NRG3: variants seen among roughly 807,000 people sequenced by gnomAD.
NRG3 encodes neuregulin 3.
A neutral mutation model predicts 66.9 loss-of-function variants in NRG3; 31 were observed. The ratio of observed to expected loss-of-function variants is 0.46; its 90% CI spans 0.35 to 0.63. The LOEUF (loss-of-function observed/expected upper bound fraction) is 0.63, where lower values mean the gene tolerates loss of function less well. Among genes scored for constraint, NRG3 ranks in the 20% least tolerant of loss-of-function variants. NRG3 has a pLI of 0.00. For synonymous variants in NRG3, 393 were observed against 359.4 expected (o/e 1.09, Z -1.06); for missense variants, 910 against 878.9 (o/e 1.04, Z -0.45).
At chr10:82,618,253 C>G (rs2048796660) in intron 2 of NRG3, among the ~76,000 whole-genome samples, 1 of 152,056 alleles carries the variant, frequency 6.6e-6, no homozygotes, top group African/African-American at 2.4e-5. Context: ...GTGCAAGCGA[C>G]AATCAGCCTA....
intron 1 of NRG3, among the ~76,000 whole-genome samples, chr10:82,048,317 C>T (rs4457693): frequency 0.89 from 132,774 of 149,936 alleles, 59,922 homozygotes; most frequent in South Asian, 0.99. Flanking sequence ...CACCACACCA[C>T]ACCTATTCCA....
intron 2 of NRG3, among the ~76,000 whole-genome samples, chr10:82,608,485 G>T (rs2048106661): frequency 6.6e-6 from 1 of 151,996 alleles, no homozygotes; most frequent in African/African-American, 2.4e-5. Context: ...GAAAATTCTT[G>T]ATTATTATTG....
At chr10:82,174,387 G>A (rs1253801305) in intron 1 of NRG3, among the ~76,000 whole-genome samples, 5 of 149,362 alleles carry the variant, frequency 3.3e-5, no homozygotes, top group Non-Finnish European at 5.9e-5. Flanking sequence ...TGTTTTTTTC[G>A]TATCTCCATA....
Position 82,738,666 on chromosome 10 carries a change from T to C in NRG3, c.1027+16T>C. The C allele has an allele frequency of 6.2e-7, 1 of 1,608,950 alleles. No homozygotes were observed. The highest frequency in any genetic ancestry group is 8.5e-7 in the Non-Finnish European group (1 of 1,175,262). On this transcript the variant is annotated intron_variant, in intron 3 of 8. Transcript: ENST00000372141. ...TCGGATCCAAGTAGGTCAAGCATTT[T>C]TCTTCTCTCTAATGCAATATATAGG...
intron 2 of NRG3, among the ~76,000 whole-genome samples, chr10:82,437,139 T>C (rs1336410389): frequency 6.6e-6 from 1 of 152,128 alleles, no homozygotes; most frequent in Admixed American, 6.5e-5. Context: ...GTTTTCCAGT[T>C]TGTTTCCATT....
At chr10:82,908,546 C>T (rs544037633) in intron 4 of NRG3, among the ~76,000 whole-genome samples, 1 of 152,238 alleles carries the variant, frequency 6.6e-6, no homozygotes, top group South Asian at 2.1e-4. Context: ...GTGGTAATTA[C>T]TACTCAACCC....
intron 1 of NRG3, among the ~76,000 whole-genome samples, chr10:82,314,587 T>C (rs2135033304): frequency 6.6e-6 from 1 of 152,182 alleles, no homozygotes; most frequent in African/African-American, 2.4e-5. Context: ...GGCAGGTGGA[T>C]CACGAGGTCA....
chr10:82,088,870 T>C (rs2065872271), intron 1 of NRG3, among the ~76,000 whole-genome samples: 1 of 152,134 alleles, frequency 6.6e-6, no homozygotes, highest in African/African-American at 2.4e-5. Context: ...TCAAAATCAG[T>C]GTCAGCATTT....
chr10:81,954,215 G>A (rs1289631042), intron 1 of NRG3, among the ~76,000 whole-genome samples: 1 of 152,144 alleles, frequency 6.6e-6, no homozygotes, highest in Non-Finnish European at 1.5e-5. Context: ...GCCCTGTTGT[G>A]GATGGGAAAT....
chr10:82,587,315 T>C (rs1223841867), intron 2 of NRG3, among the ~76,000 whole-genome samples: 1 of 150,160 alleles, frequency 6.7e-6, no homozygotes, highest in African/African-American at 2.4e-5. Context: ...GTATATGCTA[T>C]TCATATAAAC....
intron 1 of NRG3, among the ~76,000 whole-genome samples, chr10:81,899,986 T>C (rs1843883172): frequency 2.0e-5 from 3 of 151,672 alleles, no homozygotes; most frequent in Admixed American, 2.0e-4. Flanking sequence ...TTTTTTTTTC[T>C]TTTTATTTTG....
intron 2 of NRG3, among the ~76,000 whole-genome samples, chr10:82,540,682 T>C (rs779687442): frequency 6.6e-6 from 1 of 152,008 alleles, no homozygotes; most frequent in Non-Finnish European, 1.5e-5. Context: ...GAGGGATTAA[T>C]CCAATATATA....
intron 1 of NRG3, among the ~76,000 whole-genome samples, chr10:82,270,980 A>T (rs2078563773): frequency 6.6e-6 from 1 of 152,064 alleles, no homozygotes; most frequent in South Asian, 2.1e-4. Flanking sequence ...TGAGGGTGAG[A>T]CCTTATCTCA....
At chr10:82,596,910 C>T (rs2047315052) in intron 2 of NRG3, among the ~76,000 whole-genome samples, 1 of 152,138 alleles carries the variant, frequency 6.6e-6, no homozygotes, top group African/African-American at 2.4e-5. Flanking sequence ...AATTACCTGT[C>T]TCATTTTTGA....
intron 2 of NRG3, among the ~76,000 whole-genome samples, chr10:82,545,826 C>A (rs1232403278): frequency 7.6e-6 from 1 of 131,806 alleles, no homozygotes; most frequent in Non-Finnish European, 1.6e-5. Flanking sequence ...CTGGCACTGT[C>A]GCCCAGGCTG....
chr10:82,675,810 T>C (rs2053642705), intron 2 of NRG3, among the ~76,000 whole-genome samples: 1 of 152,252 alleles, frequency 6.6e-6, no homozygotes, highest in South Asian at 2.1e-4. Flanking sequence ...CTCACTGTTA[T>C]AATTTTTGCA....
chr10:82,650,096 G>A (rs1047946543), intron 2 of NRG3, among the ~76,000 whole-genome samples: 3 of 152,126 alleles, frequency 2.0e-5, no homozygotes, highest in Non-Finnish European at 2.9e-5. Context: ...AGATTTCTTG[G>A]AGTCCAGTGA....
intron 4 of NRG3, among the ~76,000 whole-genome samples, chr10:82,949,790 G>A (rs1463905397): frequency 6.6e-6 from 1 of 152,024 alleles, no homozygotes; most frequent in African/African-American, 2.4e-5. Context: ...AGGAGGAAGA[G>A]GTTGCAGTAA....
chr10:82,640,958 A>C (rs17100366), intron 2 of NRG3, among the ~76,000 whole-genome samples: 3,886 of 151,888 alleles, frequency 0.026, 180 homozygotes, highest in African/African-American at 0.088. Context: ...TGTTTCTCAT[A>C]ATATAAAATG....
Sources: allele counts gnomAD v4.1 joint callset (sites outside exome capture counted in the v4.1 genomes callset), GRCh38; gene constraint gnomAD v4.1.1; transcripts MANE v1.5; gene names NCBI Gene and HGNC (gene_info 2026-07-23, HGNC 2026-07-21).